The following LUZP2 variants were observed in gnomAD, a reference collection of about 807,000 sequenced individuals.
LUZP2 encodes the protein leucine zipper protein 2.
A neutral mutation model predicts 51.6 loss-of-function variants in LUZP2; 52 were observed. The observed-to-expected ratio is 1.01, with a 90% CI of 0.81 to 1.27. LUZP2 has a LOEUF of 1.27. Ranked by LOEUF, LUZP2 falls within the 50% of genes most tolerant of loss-of-function variation. The probability of loss-of-function intolerance (pLI) is 0.00; values close to 1 mark genes in which losing one functional copy is unlikely to be tolerated. For synonymous variants in LUZP2, 154 were observed against 137.3 expected (o/e 1.12, Z -0.85); for missense variants, 436 against 395.4 (o/e 1.10, Z -0.87).
chr11:24,957,102 T>C (rs1271738802), intron 7 of LUZP2, among the ~76,000 whole-genome samples: 3 of 152,154 alleles, frequency 2.0e-5, no homozygotes, highest in Non-Finnish European at 4.4e-5. Flanking sequence ...GCCTGTCTTG[T>C]TGTCTTGTTC....
intron 1 of LUZP2, among the ~76,000 whole-genome samples, chr11:24,512,397 T>C (rs940048833): frequency 5.9e-5 from 9 of 152,146 alleles, no homozygotes; most frequent in Non-Finnish European, 1.5e-5. Context: ...ATACAAATAT[T>C]TAATAGTACA....
intron 5 of LUZP2, among the ~76,000 whole-genome samples, chr11:24,865,035 C>T (rs1851848257): frequency 6.6e-6 from 1 of 152,178 alleles, no homozygotes; most frequent in Non-Finnish European, 1.5e-5. Context: ...ACGTTTATTA[C>T]TGTGAAGTAT....
At chr11:24,597,331 C>T (rs1416141947) in intron 1 of LUZP2, among the ~76,000 whole-genome samples, 1 of 152,162 alleles carries the variant, frequency 6.6e-6, no homozygotes, top group African/African-American at 2.4e-5. Flanking sequence ...CACAGTAATG[C>T]ACTCTATTGA....
intron 3 of LUZP2, among the ~76,000 whole-genome samples, chr11:24,733,441 C>T (rs1377375345): frequency 1.3e-5 from 2 of 151,558 alleles, no homozygotes; most frequent in South Asian, 2.1e-4. Context: ...ATTATTCAGT[C>T]GGAAAATAGA....
chr11:24,854,887 T>C (rs1851509731), intron 5 of LUZP2, among the ~76,000 whole-genome samples: 2 of 152,096 alleles, frequency 1.3e-5, no homozygotes, highest in Admixed American at 6.6e-5. Context: ...GGGGTGGGAA[T>C]TTCTCGACCC....
chr11:24,814,223 G>A (rs1177807234), intron 5 of LUZP2, among the ~76,000 whole-genome samples: 1 of 152,148 alleles, frequency 6.6e-6, no homozygotes, highest in South Asian at 2.1e-4. Flanking sequence ...CTGACACATA[G>A]TAGAAGTTGT....
At chr11:24,982,280 AT>A (rs1336192840) in intron 8 of LUZP2, among the ~76,000 whole-genome samples, 5 of 151,864 alleles carry the variant, frequency 3.3e-5, no homozygotes, top group African/African-American at 4.8e-5. Flanking sequence ...AGGAATATAC[AT>A]TTTTCTTCCA....
chr11:24,518,982 G>A (rs1011034414), intron 1 of LUZP2, among the ~76,000 whole-genome samples: 2 of 152,162 alleles, frequency 1.3e-5, no homozygotes, highest in East Asian at 1.9e-4. Context: ...TTCAGGTGAC[G>A]TGAACAAGGA....
chr11:24,934,022 A>G (rs184114831), intron 7 of LUZP2, among the ~76,000 whole-genome samples: 130 of 152,304 alleles, frequency 8.5e-4, no homozygotes, highest in African/African-American at 3.0e-3. Flanking sequence ...GTATCGTACA[A>G]AGTACATTCT....
intron 1 of LUZP2, among the ~76,000 whole-genome samples, chr11:24,591,495 T>C (rs562750036): frequency 6.6e-6 from 1 of 152,296 alleles, no homozygotes; most frequent in African/African-American, 2.4e-5. Flanking sequence ...CTGCATTCCT[T>C]TGGGCAGACA....
chr11:24,973,940 C>T (rs141220698), intron 7 of LUZP2, among the ~76,000 whole-genome samples: 1 of 152,104 alleles, frequency 6.6e-6, no homozygotes, highest in East Asian at 1.9e-4. Context: ...CTGTAGATAT[C>T]TATCAGCTCT....
At chr11:24,647,110 A>G (rs1019070184) in intron 1 of LUZP2, among the ~76,000 whole-genome samples, 1 of 151,956 alleles carries the variant, frequency 6.6e-6, no homozygotes, top group Non-Finnish European at 1.5e-5. Flanking sequence ...CCACGCACTC[A>G]TTGTGACTTT....
chr11:24,955,319 A>G (rs1855184526), intron 7 of LUZP2, among the ~76,000 whole-genome samples: 1 of 151,938 alleles, frequency 6.6e-6, no homozygotes, highest in Non-Finnish European at 1.5e-5. Flanking sequence ...ATATCTGGTA[A>G]ATGAAGGTGT....
At chr11:24,993,856 C>CT (rs1222946391) in intron 9 of LUZP2, among the ~76,000 whole-genome samples, 7 of 149,504 alleles carry the variant, frequency 4.7e-5, no homozygotes, top group African/African-American at 1.5e-4. Flanking sequence ...TTTTCCATTT[C>CT]TTTTTTTTGG....
chr11:24,536,865 A>G (rs1463671847), intron 1 of LUZP2, among the ~76,000 whole-genome samples: 1 of 151,710 alleles, frequency 6.6e-6, no homozygotes, highest in Non-Finnish European at 1.5e-5. Flanking sequence ...TTAAGTTTCG[A>G]TTTAAAGTGA....
At chr11:24,800,395 G>A (rs1056482580) in intron 5 of LUZP2, among the ~76,000 whole-genome samples, 12 of 151,766 alleles carry the variant, frequency 7.9e-5, no homozygotes, top group African/African-American at 2.9e-4. Flanking sequence ...ATATGACATT[G>A]TCACTATCAA....
At chr11:24,922,879 C>T (rs190584249) in intron 7 of LUZP2, among the ~76,000 whole-genome samples, 5 of 122,558 alleles carry the variant, frequency 4.1e-5, no homozygotes, top group African/African-American at 6.5e-5. Flanking sequence ...GAGGGAGTCT[C>T]GCTCCATTGC....
chr11:24,996,433 A>G (rs1205982334), intron 9 of LUZP2, among the ~76,000 whole-genome samples: 1 of 151,870 alleles, frequency 6.6e-6, no homozygotes, highest in Non-Finnish European at 1.5e-5. Context: ...ACATTCTATT[A>G]AATTATGAAA....
chr11:24,543,148 T>C (rs1337411443), intron 1 of LUZP2, among the ~76,000 whole-genome samples: 1 of 151,558 alleles, frequency 6.6e-6, no homozygotes. Context: ...CAGATAATTA[T>C]ATTAGGTGGT....
Sources: allele counts gnomAD v4.1 joint callset (sites outside exome capture counted in the v4.1 genomes callset), GRCh38; gene constraint gnomAD v4.1.1; transcripts MANE v1.5; gene names NCBI Gene and HGNC (gene_info 2026-07-23, HGNC 2026-07-21).